The following TEK variants were observed in gnomAD, a reference collection of about 807,000 sequenced individuals.
The protein encoded by TEK is angiopoietin-1 receptor.
TEK carries 43 observed loss-of-function variants against 131.8 expected under a neutral mutation model. The ratio of observed to expected loss-of-function variants is 0.33; its 90% CI spans 0.26 to 0.42. The LOEUF (loss-of-function observed/expected upper bound fraction) is 0.42, where lower values mean the gene tolerates loss of function less well. TEK is among the 10% of genes least tolerant of loss of function. TEK has a pLI of 1.00. For missense variants in TEK, 1,162 were observed against 1,384.4 expected (o/e 0.84, Z 2.55); for synonymous variants, 580 against 491.6 (o/e 1.18, Z -2.38).
chr9:27,159,210 T>A (rs1212653841), intron 2 of TEK, among the ~76,000 whole-genome samples: 1 of 152,198 alleles, frequency 6.6e-6, no homozygotes, highest in Non-Finnish European at 1.5e-5. Flanking sequence ...AAGGTCATAG[T>A]GTACAATTCT....
chr9:27,143,475 G>A (rs1486631382), intron 1 of TEK, among the ~76,000 whole-genome samples: 1 of 152,096 alleles, frequency 6.6e-6, no homozygotes, highest in Admixed American at 6.5e-5. Flanking sequence ...GAAACAGCCT[G>A]GTTTTAGCAA....
At chr9:27,183,694 C>T in intron 8 of TEK, 84 bp downstream of exon 8, 1 of 1,532,946 alleles carries the variant, frequency 6.5e-7, no homozygotes, top group Non-Finnish European at 9.0e-7. Context: ...AGATACCATT[C>T]AGTGCTTTTA....
At chr9:27,182,258 T>C (rs1824406864) in intron 7 of TEK, among the ~76,000 whole-genome samples, 1 of 152,166 alleles carries the variant, frequency 6.6e-6, no homozygotes, top group Non-Finnish European at 1.5e-5. Flanking sequence ...AGTAGCTCCC[T>C]TCCCAGATTC....
chr9:27,166,073 G>A (rs1172199429), intron 2 of TEK, among the ~76,000 whole-genome samples: 3 of 152,254 alleles, frequency 2.0e-5, no homozygotes, highest in East Asian at 1.9e-4. Context: ...AGGGCACAGC[G>A]ACCAGCTGGT....
intron 11 of TEK, among the ~76,000 whole-genome samples, chr9:27,193,820 T>G (rs1227918191): frequency 1.3e-5 from 2 of 152,170 alleles, no homozygotes; most frequent in Non-Finnish European, 2.9e-5. Context: ...TCTTTGTCTT[T>G]TAGAGCCAGG....
At chr9:27,169,443 T>C (rs200545808) in intron 3 of TEK, 34 bp from the exon 4 acceptor site, 29 of 1,613,218 alleles carry the variant, frequency 1.8e-5, no homozygotes, top group Non-Finnish European at 2.2e-5. Context: ...TGTTTCAGTG[T>C]GACCTACGGT....
chr9:27,132,380 A>G (rs2131064394), intron 1 of TEK, among the ~76,000 whole-genome samples: 1 of 152,292 alleles, frequency 6.6e-6, no homozygotes, highest in South Asian at 2.1e-4. Context: ...ATCAGTACCA[A>G]TTAACAGGAT....
chr9:27,167,509 T>C (rs936330506), intron 2 of TEK, among the ~76,000 whole-genome samples: 1 of 152,240 alleles, frequency 6.6e-6, no homozygotes, highest in Non-Finnish European at 1.5e-5. Context: ...ATTACAGGCA[T>C]GAGCCACTGT....
At position 27,180,342 on chromosome 9, in the gene TEK, G is replaced by T; in HGVS notation, c.1004G>T (p.Trp335Leu). The T allele has an allele frequency of 6.2e-7, 1 of 1,613,644 alleles. No individual in the cohort carries two copies. The highest frequency in any genetic ancestry group is 8.5e-7 in the Non-Finnish European group (1 of 1,179,794). ...RFQGCLCSPG[W>L]QGLQCEREGI... ...CAAGGATGTCTCTGCTCTCCAGGAT[G>T]GCAGGGGCTCCAGTGTGAGAGAGAA... The change falls in exon 7 of 23, where the codon TGG (tryptophan) becomes TTG (leucine). Residue 335 changes from tryptophan (W) to leucine (L), a missense_variant. Transcript: ENST00000380036.
intron 1 of TEK, among the ~76,000 whole-genome samples, chr9:27,140,360 C>T (rs1320600046): frequency 7.9e-6 from 1 of 126,514 alleles, no homozygotes; most frequent in African/African-American, 2.9e-5. Context: ...CCCAAAGAAA[C>T]AGGGATCTGT....
At chr9:27,217,130 C>A (rs1015291695) in intron 18 of TEK, among the ~76,000 whole-genome samples, 6 of 152,208 alleles carry the variant, frequency 3.9e-5, no homozygotes, top group African/African-American at 1.2e-4. Context: ...ACACTAGCTA[C>A]AAATCAGCTC....
chr9:27,170,064 A>G (rs1292082390), intron 4 of TEK, among the ~76,000 whole-genome samples: 4 of 152,150 alleles, frequency 2.6e-5, no homozygotes, highest in Non-Finnish European at 5.9e-5. Context: ...GAGGAAGCAA[A>G]CACATCCTTC....
intron 15 of TEK, among the ~76,000 whole-genome samples, chr9:27,208,025 A>C (rs1191486422): frequency 1.3e-5 from 2 of 152,050 alleles, no homozygotes; most frequent in Non-Finnish European, 2.9e-5. Flanking sequence ...TTTTATTGGG[A>C]TCTATTGTGA....
At chr9:27,150,701 G>A (rs1343922660) in intron 1 of TEK, among the ~76,000 whole-genome samples, 1 of 152,106 alleles carries the variant, frequency 6.6e-6, no homozygotes, top group African/African-American at 2.4e-5. Context: ...CATGCTTCCT[G>A]CACCCCCACT....
chr9:27,169,657 G>A, intron 4 of TEK, 28 bp downstream of exon 4: 4 of 1,613,626 alleles, frequency 2.5e-6, no homozygotes, highest in Non-Finnish European at 3.4e-6. Flanking sequence ...CACCATTTGT[G>A]ATGGTGTAGT....
intron 18 of TEK, among the ~76,000 whole-genome samples, chr9:27,214,786 G>A (rs1050968235): frequency 6.6e-6 from 1 of 151,970 alleles, no homozygotes; most frequent in Non-Finnish European, 1.5e-5. Context: ...TTGGCTCTTC[G>A]AGGGCCCTGC....
Position 27,165,161 on chromosome 9 carries a change from G to A in TEK, c.365-3334G>A, listed in dbSNP as rs1459340204. On this transcript the variant is annotated intron_variant, in intron 2 of 22. Transcript: ENST00000380036. ...CAGTCCTAAATAATAAAGAGCCACAGAGTGGTGGGGGGAAAGCTACTTGGA... is the reference window on the plus strand; with the variant it reads ...CAGTCCTAAATAATAAAGAGCCACAAAGTGGTGGGGGGAAAGCTACTTGGA... Among the ~76,000 whole-genome samples the A allele has an allele frequency of 2.0e-5, 3 of 152,332 alleles. 1 individual carries two copies. In the Middle Eastern group the frequency reaches 0.01, roughly 518 times the overall value.
At chr9:27,176,576 G>T (rs1235264051) in intron 6 of TEK, among the ~76,000 whole-genome samples, 1 of 152,150 alleles carries the variant, frequency 6.6e-6, no homozygotes, top group Non-Finnish European at 1.5e-5. Flanking sequence ...AATAAAAATT[G>T]TATGTAGTTA....
intron 21 of TEK, among the ~76,000 whole-genome samples, chr9:27,227,654 C>T (rs1163868885): frequency 6.6e-6 from 1 of 152,136 alleles, no homozygotes; most frequent in Non-Finnish European, 1.5e-5. Flanking sequence ...GAGCACGAAT[C>T]CCATTCATGA....
Sources: gnomAD v4.1 joint callset for allele counts (sites outside exome capture counted in the v4.1 genomes callset) on GRCh38, gnomAD v4.1.1 for gene constraint, MANE v1.5 for transcripts, NCBI Gene and HGNC (gene_info 2026-07-23, HGNC 2026-07-21) for gene names.